The following MORC1 variants were observed in gnomAD, a reference collection of about 807,000 sequenced individuals.
The protein encoded by MORC1 is MORC family CW-type zinc finger 1, also known as MORC family CW-type zinc finger protein 1.
A neutral mutation model predicts 134.9 loss-of-function variants in MORC1; 59 were observed. The ratio of observed to expected loss-of-function variants is 0.44; its 90% CI spans 0.35 to 0.54. The LOEUF is 0.54. Among genes scored for constraint, MORC1 ranks in the 20% least tolerant of loss-of-function variants. The probability of loss-of-function intolerance (pLI) is 0.00; values close to 1 mark genes in which losing one functional copy is unlikely to be tolerated. For missense variants in MORC1, 947 were observed against 1,134.5 expected, an observed-to-expected ratio of 0.83 and a Z score of 2.37; for synonymous variants, 395 against 391.7, an observed-to-expected ratio of 1.01 and a Z score of -0.10.
At chr3:109,009,557 T>C (rs1269587750) in intron 17 of MORC1, among the ~76,000 whole-genome samples, 2 of 152,182 alleles carry the variant, frequency 1.3e-5, no homozygotes, top group Non-Finnish European at 2.9e-5. Flanking sequence ...AAGAGTAATT[T>C]GGTGAATATA....
intron 15 of MORC1, among the ~76,000 whole-genome samples, chr3:109,034,936 G>GTGGGGTTT (rs1949339587): frequency 6.6e-6 from 1 of 151,806 alleles, no homozygotes. Context: ...TTTTGTAGGG[G>GTGGGGTTT]TGGGGTTTTG....
In MORC1 at chr3:109,103,994, T is replaced by C. The variant is rs1950976774; in HGVS notation, c.155-77A>G. ...CAGAAAGTCATGCTGCTAGAATAAT[T>C]ATTCGTCTTCCTCCAATGCAGCCAC... On this transcript the variant is annotated intron_variant, in intron 3 of 27. Coordinates refer to ENST00000232603, the MANE Select transcript of MORC1 (RefSeq NM_014429.4). 3.8e-6 allele frequency: 5 copies of C among 1,321,224 alleles called. No individual in the cohort carries two copies. In the Admixed American group the frequency reaches 8.5e-5, roughly 22 times the overall value. The allele number at this position is 1,321,224 out of a possible 1,614,324, so 81.8% of individuals were successfully genotyped here.
At chr3:109,042,159 T>A (rs1949569593) in intron 14 of MORC1, among the ~76,000 whole-genome samples, 2 of 152,120 alleles carry the variant, frequency 1.3e-5, no homozygotes, top group South Asian at 4.1e-4. Context: ...CGGTGGGAAG[T>A]AAAATGGTGT....
chr3:109,092,270 T>G (rs1950744706), intron 8 of MORC1, among the ~76,000 whole-genome samples: 1 of 152,212 alleles, frequency 6.6e-6, no homozygotes, highest in Non-Finnish European at 1.5e-5. Flanking sequence ...TATGTGTATA[T>G]TAGGAATTCT....
At position 108,971,376 on chromosome 3, in the gene MORC1, T is replaced by G; in HGVS notation, c.2504A>C (p.Glu835Ala). ...LREILLYFFP[E>A]HQLPSELEEP... ...TTCCAATTCTGATGGTAGCTGATGCTCAGGAAAAAAATACAGAAGAATCTC... is the reference window on the plus strand; with the variant it reads ...TTCCAATTCTGATGGTAGCTGATGCGCAGGAAAAAAATACAGAAGAATCTC... Residue 835 changes from glutamate (E) to alanine (A), a missense_variant, in exon 25 of 28, where the codon GAG becomes GCG. Glu to Ala is a moderately radical substitution (Grantham distance 107). Transcript: ENST00000232603. 1 of 1,613,298 alleles carries G rather than the reference T, an allele frequency of 6.2e-7. No individual in the cohort carries two copies. The highest frequency in any genetic ancestry group is 1.1e-5 in the South Asian group (1 of 91,034).
chr3:109,029,903 A>G (rs896838586), intron 16 of MORC1, among the ~76,000 whole-genome samples: 21 of 152,188 alleles, frequency 1.4e-4, no homozygotes, highest in African/African-American at 4.8e-4. Context: ...TTTCAGCTGT[A>G]GTGAAGAATT....
chr3:108,990,657 C>T (rs144921555), intron 21 of MORC1, among the ~76,000 whole-genome samples: 5 of 152,230 alleles, frequency 3.3e-5, no homozygotes, highest in Middle Eastern at 3.4e-3. Flanking sequence ...TTGAATGATC[C>T]CCCAACTAGA....
chr3:109,112,792 C>T (rs1469051664), intron 2 of MORC1, among the ~76,000 whole-genome samples: 3 of 152,176 alleles, frequency 2.0e-5, no homozygotes, highest in Non-Finnish European at 2.9e-5. Flanking sequence ...AAACACTGTG[C>T]AAACTTTCAC....
At chr3:109,047,059 A>C (rs2107650313) in intron 14 of MORC1, among the ~76,000 whole-genome samples, 1 of 152,206 alleles carries the variant, frequency 6.6e-6, no homozygotes, top group South Asian at 2.1e-4. Context: ...ACACGTTTAA[A>C]AGATGAATCT....
intron 20 of MORC1, 66 bp downstream of exon 20, chr3:109,004,751 A>G: frequency 6.9e-7 from 1 of 1,448,860 alleles, no homozygotes; most frequent in South Asian, 1.2e-5. Context: ...GCAAAACTTA[A>G]AGATTAAAGG....
At chr3:109,012,548 CATGGA>C (rs1156458391) in intron 17 of MORC1, among the ~76,000 whole-genome samples, 5 of 152,176 alleles carry the variant, frequency 3.3e-5, no homozygotes, top group Non-Finnish European at 7.4e-5. Context: ...AAACTCATGA[CATGGA>C]ATCTGTCTTC....
rs188706061 is a variant in MORC1, at chr3:109,042,840, C to G, written c.1331-7372G>C. Among the ~76,000 whole-genome samples, 23 of 152,152 alleles carry G rather than the reference C, an allele frequency of 1.5e-4. No homozygotes were observed. In the East Asian group the frequency reaches 4.3e-3, roughly 28 times the overall value. On this transcript the variant is annotated intron_variant, in intron 14 of 27. Coordinates refer to ENST00000232603, the MANE Select transcript of MORC1 (RefSeq NM_014429.4). ...TAAGCCAGGCACTGAAAGACAAATA[C>G]TGTATATTTCATTTATATGTGAAAT...
chr3:109,075,428 T>C (rs1460850102), intron 8 of MORC1, among the ~76,000 whole-genome samples: 2 of 152,246 alleles, frequency 1.3e-5, no homozygotes, highest in Non-Finnish European at 2.9e-5. Flanking sequence ...AGAGTTTTTA[T>C]GGCTTTAGGT....
At chr3:108,959,144 C>T in intron 27 of MORC1, 24 bp from the exon 28 acceptor site, 1 of 1,562,268 alleles carries the variant, frequency 6.4e-7, no homozygotes. Context: ...GCAACAGTCA[C>T]ACCAGGGAAA....
At chr3:108,997,515 T>A (rs1948267682) in intron 21 of MORC1, among the ~76,000 whole-genome samples, 1 of 151,764 alleles carries the variant, frequency 6.6e-6, no homozygotes, top group African/African-American at 2.4e-5. Context: ...CTCAAAAAAA[T>A]TTAAAAGGTA....
At chr3:108,990,214 T>C (rs1297114957) in intron 21 of MORC1, among the ~76,000 whole-genome samples, 1 of 152,158 alleles carries the variant, frequency 6.6e-6, no homozygotes, top group East Asian at 1.9e-4. Context: ...CCTACCTTTA[T>C]GGAACACATT....
At position 109,027,756 on chromosome 3, in the gene MORC1, G is replaced by A. The variant is rs754243499; in HGVS notation, c.1699C>T (p.Pro567Ser). ...KYQNRLAEQQ[P>S]QPQFIPVDEI... ...AGGAATTAATCACAACTCACCTGTG[G>A]CTGCTGTTCTGCCAGTCTATTTTGA... The change falls in exon 17 of 28, where the codon CCA becomes TCA. Residue 567 changes from proline (P) to serine (S), a missense_variant. By Grantham distance (74) the Pro-to-Ser change is moderately conservative (BLOSUM62 -1). This residue lies in a region of MORC1 where 722 missense variants were observed against 817.0 expected (regional missense o/e 0.88). Transcript: ENST00000232603. The A allele has an allele frequency of 6.2e-7, 1 of 1,613,728 alleles. No homozygotes were observed. The highest frequency in any genetic ancestry group is 8.5e-7 in the Non-Finnish European group (1 of 1,179,780).
At chr3:109,024,446 A>G (rs1393155196) in intron 17 of MORC1, among the ~76,000 whole-genome samples, 2 of 152,198 alleles carry the variant, frequency 1.3e-5, no homozygotes, top group Admixed American at 1.3e-4. Flanking sequence ...GACAACATCT[A>G]ATAATTAGGA....
At chr3:109,062,507 C>G (rs968451193) in intron 10 of MORC1, among the ~76,000 whole-genome samples, 3 of 151,318 alleles carry the variant, frequency 2.0e-5, no homozygotes, top group South Asian at 2.1e-4. Flanking sequence ...TGCAAACTCC[C>G]CCTCCCAGGT....
Sources: gnomAD v4.1 joint callset for allele counts (sites outside exome capture counted in the v4.1 genomes callset) on GRCh38, gnomAD v4.1.1 for gene constraint, gnomAD v4.1.1 regional missense constraint, MANE v1.5 for transcripts, NCBI Gene and HGNC (gene_info 2026-07-23, HGNC 2026-07-21) for gene names.